Variants in MSRA observed in about 807,000 individuals in gnomAD.
MSRA encodes methionine sulfoxide reductase A.
MSRA carries 54 observed loss-of-function variants against 31.3 expected under a neutral mutation model. The ratio of observed to expected loss-of-function variants is 1.73; its 90% CI spans 1.39 to 2.17. The LOEUF is 2.17. Among genes scored for constraint, MSRA ranks in the 30% most tolerant of loss-of-function variants. The pLI is 0.00. For synonymous variants in MSRA, 169 were observed against 116.5 expected (o/e 1.45, Z -2.90); for missense variants, 507 against 300.9 (o/e 1.69, Z -5.07).
At chr8:10,111,542 A>T (rs1027820138) in intron 1 of MSRA, among the ~76,000 whole-genome samples, 1 of 152,162 alleles carries the variant, frequency 6.6e-6, no homozygotes, top group African/African-American at 2.4e-5. Context: ...GGACCATCAG[A>T]CAGGCCTTTT....
intron 1 of MSRA, among the ~76,000 whole-genome samples, chr8:10,166,607 G>A (rs753115339): frequency 6.6e-6 from 1 of 152,110 alleles, no homozygotes; most frequent in South Asian, 2.1e-4. Flanking sequence ...TATAACAAGC[G>A]ACTTTGTCTC....
intron 5 of MSRA, among the ~76,000 whole-genome samples, chr8:10,410,043 G>T (rs1808061040): frequency 6.6e-6 from 1 of 152,228 alleles, no homozygotes; most frequent in South Asian, 2.1e-4. Context: ...CTGGGTTACA[G>T]AGCAAGACCT....
chr8:10,270,810 A>G lies in MSRA; in HGVS notation c.331+25587A>G, dbSNP rs546062256. ...TCCAAGATCTTCGGGCTTTTCTTCA[A>G]AAGAAGAGAGTTATGAAGCCAGGCT... On this transcript the variant is annotated intron_variant, in intron 3 of 5. Coordinates refer to ENST00000317173, the MANE Select transcript of MSRA (RefSeq NM_012331.5). Among the ~76,000 whole-genome samples the G allele has an allele frequency of 7.2e-5, 11 of 152,344 alleles. 1 individual carries two copies. In the South Asian group the frequency reaches 2.1e-3, roughly 29 times the overall value.
intron 5 of MSRA, among the ~76,000 whole-genome samples, chr8:10,339,535 T>C (rs1198242463): frequency 1.1e-4 from 5 of 46,724 alleles, no homozygotes; most frequent in Non-Finnish European, 1.4e-4. Context: ...TTCTTTCTTT[T>C]TTTTTTTTTT....
chr8:10,287,998 G>C (rs1800028447), intron 3 of MSRA, among the ~76,000 whole-genome samples: 1 of 152,100 alleles, frequency 6.6e-6, no homozygotes, highest in Non-Finnish European at 1.5e-5. Flanking sequence ...GCATCCCAGA[G>C]AGTGCTCAGA....
intron 1 of MSRA, among the ~76,000 whole-genome samples, chr8:10,145,069 G>A (rs1443764781): frequency 5.3e-5 from 8 of 152,056 alleles, no homozygotes; most frequent in Admixed American, 5.2e-4. Context: ...GAAATTATAG[G>A]TGCACATGAG....
At chr8:10,113,632 A>G (rs1474989681) in intron 1 of MSRA, among the ~76,000 whole-genome samples, 1 of 152,056 alleles carries the variant, frequency 6.6e-6, no homozygotes, top group Non-Finnish European at 1.5e-5. Context: ...AGAATGAGAC[A>G]GAGCAGACTG....
At chr8:10,121,198 A>G (rs921237296) in intron 1 of MSRA, among the ~76,000 whole-genome samples, 7 of 152,078 alleles carry the variant, frequency 4.6e-5, no homozygotes, top group Admixed American at 2.0e-4. Flanking sequence ...TGGTTTCTCA[A>G]TTTTTCTGTG....
chr8:10,169,275 C>T (rs530566682), intron 1 of MSRA, among the ~76,000 whole-genome samples: 2 of 152,190 alleles, frequency 1.3e-5, no homozygotes, highest in Non-Finnish European at 2.9e-5. Context: ...TTGTTACCAA[C>T]CTGCATTTCT....
chr8:10,149,282 C>T (rs1171190477), intron 1 of MSRA, among the ~76,000 whole-genome samples: 1 of 152,156 alleles, frequency 6.6e-6, no homozygotes, highest in Non-Finnish European at 1.5e-5. Context: ...CCACCATGCC[C>T]AGCTAAGTTT....
At chr8:10,380,032 G>C (rs908251900) in intron 5 of MSRA, among the ~76,000 whole-genome samples, 1 of 152,150 alleles carries the variant, frequency 6.6e-6, no homozygotes, top group Admixed American at 6.5e-5. Flanking sequence ...ACAACAGAAA[G>C]TTCTAGTGAA....
intron 1 of MSRA, among the ~76,000 whole-genome samples, chr8:10,102,175 T>G (rs1202180981): frequency 6.6e-6 from 1 of 152,192 alleles, no homozygotes. Context: ...GGTTTATGTC[T>G]TTTGCTAAAT....
intron 3 of MSRA, among the ~76,000 whole-genome samples, chr8:10,270,620 G>T (rs1798981918): frequency 6.6e-6 from 1 of 152,216 alleles, no homozygotes; most frequent in Non-Finnish European, 1.5e-5. Flanking sequence ...AGCAGCTGGA[G>T]TTCCACACGT....
chr8:10,420,904 G>A (rs1193764339), intron 5 of MSRA, among the ~76,000 whole-genome samples: 2 of 125,484 alleles, frequency 1.6e-5, no homozygotes, highest in African/African-American at 6.0e-5. Flanking sequence ...AAAAAAAAAA[G>A]GAGAATCACT....
chr8:10,404,165 C>T (rs1307581643), intron 5 of MSRA, among the ~76,000 whole-genome samples: 1 of 152,136 alleles, frequency 6.6e-6, no homozygotes, highest in Non-Finnish European at 1.5e-5. Flanking sequence ...GCCCCTGGTC[C>T]ACGTGGAGAG....
intron 3 of MSRA, among the ~76,000 whole-genome samples, chr8:10,266,359 G>C (rs13275128): frequency 0.36 from 55,040 of 152,048 alleles, 11,097 homozygotes; most frequent in East Asian, 0.52. Context: ...ATATTATTTT[G>C]TCATGAACTT....
intron 1 of MSRA, among the ~76,000 whole-genome samples, chr8:10,120,429 A>T (rs578182227): frequency 6.6e-6 from 1 of 152,286 alleles, no homozygotes; most frequent in Admixed American, 6.5e-5. Flanking sequence ...ACCCTAGAAC[A>T]TGTACAAAAG....
Position 10,341,354 on chromosome 8 carries a change from T to TG in MSRA, c.543+21371dup, listed in dbSNP as rs1407115543. 2.8e-4 allele frequency among the ~76,000 whole-genome samples: 43 copies of TG among 151,716 alleles called. 1 individual carries two copies. Among genetic ancestry groups the TG allele is most frequent in the African/African-American group, 1.0e-3 (42 of 41,262 alleles). On this transcript the variant is annotated intron_variant, in intron 5 of 5. Transcript: ENST00000317173. Reference sequence around the variant, plus strand: ...AAAGCAGGAGCAAGGGAGAGAGAGTTGGGGGGAGGTGCCACACGTTTTGAA... The same window carrying TG: ...AAAGCAGGAGCAAGGGAGAGAGAGTTGGGGGGGAGGTGCCACACGTTTTGAA...
At chr8:10,139,696 T>A (rs570514749) in intron 1 of MSRA, among the ~76,000 whole-genome samples, 3 of 152,368 alleles carry the variant, frequency 2.0e-5, no homozygotes, top group Non-Finnish European at 2.9e-5. Flanking sequence ...TTCATTCTTT[T>A]TCTTGGCTGA....
Sources: allele counts gnomAD v4.1 joint callset (sites outside exome capture counted in the v4.1 genomes callset), GRCh38; gene constraint gnomAD v4.1.1; transcripts MANE v1.5; gene names NCBI Gene and HGNC (gene_info 2026-07-23, HGNC 2026-07-21).